Variants in GABRG3 observed in about 807,000 individuals in gnomAD.
The protein encoded by GABRG3 is gamma-aminobutyric acid receptor subunit gamma-3.
In GABRG3, 25 loss-of-function variants were observed where a neutral mutation model predicts 48.8. The ratio of observed to expected loss-of-function variants is 0.51; its 90% CI spans 0.37 to 0.72. GABRG3 has a LOEUF of 0.72. Ranked by LOEUF, GABRG3 falls within the 30% of genes least tolerant of loss-of-function variation. The probability of loss-of-function intolerance (pLI) is 0.00; values close to 1 mark genes in which losing one functional copy is unlikely to be tolerated. For missense variants in GABRG3, 394 were observed against 577.9 expected (o/e 0.68, Z 3.26); for synonymous variants, 227 against 217.6 (o/e 1.04, Z -0.38).
rs781443644 is a variant in GABRG3 at position 27,527,672 on chromosome 15, G to A, written c.1062+43G>A. On this transcript the variant is annotated intron_variant, in intron 8 of 9. Transcript: ENST00000615808. The stretch of plus-strand genomic sequence containing the variant: ...AGGTTCTCCGGGAGGTAATGGGGGC[G>A]CTGTTTGAGATGAGTGTGTACTTAA... 23 of 1,525,488 alleles carry A rather than the reference G, an allele frequency of 1.5e-5. No individual in the cohort carries two copies. In the South Asian group the frequency reaches 2.5e-4, roughly 16 times the overall value. 94.5% of individuals were successfully genotyped at this position (1,525,488 alleles called of 1,614,324 possible). A position where few individuals can be genotyped will look rare whatever the true frequency, so the allele number is the denominator to read the frequency against.
At position 26,976,887 on chromosome 15, in the gene GABRG3, C is replaced by T. The variant is rs1704262249; in HGVS notation, c.54-115C>T. The T allele has an allele frequency of 1.0e-6, 1 of 957,782 alleles. No homozygotes were observed. Among genetic ancestry groups the T allele is most frequent in the East Asian group, 2.5e-5 (1 of 40,562 alleles). 59.3% of individuals were successfully genotyped at this position (957,782 alleles called of 1,614,324 possible). On this transcript the variant is annotated intron_variant, in intron 1 of 9. Transcript: ENST00000615808. This position sits in a 1 kb window ranked among gnomAD's most constrained non-coding sequence, Gnocchi z 7.8. ...TCGGGTTTTCACGTGTGTGGTTGGG[C>T]TGTGGGTACTGGGGACTTTCTACCC...
At chr15:27,403,774 T>C (rs909628979) in intron 5 of GABRG3, among the ~76,000 whole-genome samples, 2 of 149,004 alleles carry the variant, frequency 1.3e-5, no homozygotes, top group African/African-American at 2.5e-5. Flanking sequence ...TAGCTGGGCG[T>C]GGTAGTGCGC....
At chr15:27,002,632 G>T (rs1361576688) in intron 2 of GABRG3, among the ~76,000 whole-genome samples, 1 of 151,586 alleles carries the variant, frequency 6.6e-6, no homozygotes, top group African/African-American at 2.4e-5. Flanking sequence ...CCATGCAGCT[G>T]GACATGGGGC....
At chr15:27,246,361 T>G (rs1353962323) in intron 3 of GABRG3, among the ~76,000 whole-genome samples, 2 of 152,218 alleles carry the variant, frequency 1.3e-5, no homozygotes, top group Non-Finnish European at 1.5e-5. Flanking sequence ...AGAATGTTGC[T>G]GAATCATGTG....
intron 6 of GABRG3, among the ~76,000 whole-genome samples, chr15:27,517,265 G>T (rs570528480): frequency 2.0e-5 from 3 of 152,230 alleles, no homozygotes; most frequent in Admixed American, 6.5e-5. Context: ...GTCTGATGCT[G>T]CCTCCTCCGT....
intron 3 of GABRG3, among the ~76,000 whole-genome samples, chr15:27,169,273 A>G (rs2140409507): frequency 6.6e-6 from 1 of 152,306 alleles, no homozygotes; most frequent in Admixed American, 6.5e-5. Context: ...GTGTGTTGGA[A>G]CCTGGAGGAA....
chr15:27,279,904 T>A (rs1309058412), intron 3 of GABRG3, among the ~76,000 whole-genome samples: 1 of 152,198 alleles, frequency 6.6e-6, no homozygotes, highest in Non-Finnish European at 1.5e-5. Context: ...TCTTTCTGTT[T>A]ATATCTTTGA....
At chr15:27,198,798 G>A (rs1370020188) in intron 3 of GABRG3, among the ~76,000 whole-genome samples, 3 of 152,120 alleles carry the variant, frequency 2.0e-5, no homozygotes, top group East Asian at 3.9e-4. Context: ...TATATACACC[G>A]TGGAATACTG....
intron 3 of GABRG3, among the ~76,000 whole-genome samples, chr15:27,099,908 T>C (rs1317883275): frequency 2.0e-5 from 3 of 152,086 alleles, no homozygotes; most frequent in Non-Finnish European, 4.4e-5. Flanking sequence ...AACTAATAAA[T>C]TTGACATTAT....
chr15:27,258,927 A>T (rs932694470), intron 3 of GABRG3, among the ~76,000 whole-genome samples: 1 of 152,222 alleles, frequency 6.6e-6, no homozygotes, highest in South Asian at 2.1e-4. Flanking sequence ...CCCAGCCTCT[A>T]ATACTCAGTT....
At chr15:27,219,684 G>A (rs979701702) in intron 3 of GABRG3, among the ~76,000 whole-genome samples, 13 of 152,196 alleles carry the variant, frequency 8.5e-5, no homozygotes, top group African/African-American at 2.7e-4. Flanking sequence ...TTGCTGGCTG[G>A]CCACTGTTGG....
At chr15:27,094,945 T>TA (rs1897247437) in intron 3 of GABRG3, among the ~76,000 whole-genome samples, 1 of 152,186 alleles carries the variant, frequency 6.6e-6, no homozygotes, top group Non-Finnish European at 1.5e-5. Flanking sequence ...TCTAGCCTGT[T>TA]TTATACACAA....
chr15:27,466,152 AAAG>A (rs1425874270), intron 5 of GABRG3, among the ~76,000 whole-genome samples: 3 of 152,212 alleles, frequency 2.0e-5, no homozygotes, highest in Admixed American at 6.5e-5. Context: ...GAAGAAATTT[AAAG>A]AAGAGTCTGG....
chr15:27,527,693 C>T, intron 8 of GABRG3, 64 bp downstream of exon 8: 2 of 1,406,272 alleles, frequency 1.4e-6, no homozygotes, highest in Non-Finnish European at 2.0e-6. Context: ...TGAGTGTGTA[C>T]TTAAATGCAG....
At chr15:27,372,027 G>A (rs1320070284) in intron 5 of GABRG3, among the ~76,000 whole-genome samples, 4 of 152,004 alleles carry the variant, frequency 2.6e-5, no homozygotes, top group Admixed American at 2.6e-4. Context: ...ATACTGTTCA[G>A]TATTAATTGC....
intron 3 of GABRG3, among the ~76,000 whole-genome samples, chr15:27,222,118 G>A (rs771855385): frequency 6.6e-6 from 1 of 152,102 alleles, no homozygotes; most frequent in Non-Finnish European, 1.5e-5. Flanking sequence ...TCTCTAGCAC[G>A]TTCTTCCACA....
At chr15:27,289,546 A>T (rs1891730114) in intron 3 of GABRG3, among the ~76,000 whole-genome samples, 1 of 152,200 alleles carries the variant, frequency 6.6e-6, no homozygotes, top group African/African-American at 2.4e-5. Flanking sequence ...AATGAGTGGC[A>T]TCTGTAAGAC....
intron 3 of GABRG3, among the ~76,000 whole-genome samples, chr15:27,056,680 C>A (rs747619857): frequency 6.6e-6 from 1 of 152,072 alleles, no homozygotes; most frequent in African/African-American, 2.4e-5. Context: ...GTTCACAAGA[C>A]CCCCCACGGT....
At chr15:27,295,502 G>A (rs1392273076) in intron 3 of GABRG3, among the ~76,000 whole-genome samples, 1 of 152,152 alleles carries the variant, frequency 6.6e-6, no homozygotes. Context: ...TCAAAATCCT[G>A]CTTGAGATGA....
Sources: gnomAD v4.1 joint callset for allele counts (sites outside exome capture counted in the v4.1 genomes callset) on GRCh38, gnomAD v4.1.1 for gene constraint, Gnocchi (gnomAD v3.1) non-coding constraint, MANE v1.5 for transcripts, NCBI Gene and HGNC (gene_info 2026-07-23, HGNC 2026-07-21) for gene names.